EPM2A: variants seen among roughly 807,000 people sequenced by gnomAD.
EPM2A encodes EPM2A glucan phosphatase, laforin.
EPM2A carries 21 observed loss-of-function variants against 26.5 expected under a neutral mutation model. That is an observed-to-expected ratio of 0.79 (90% CI 0.56 to 1.14). The LOEUF (loss-of-function observed/expected upper bound fraction) is 1.14, where lower values mean the gene tolerates loss of function less well. EPM2A is among the 50% of genes most tolerant of loss of function. The pLI is 0.00. For missense variants in EPM2A, 458 were observed against 440.8 expected (o/e 1.04, Z -0.35); for synonymous variants, 217 against 177.6 (o/e 1.22, Z -1.76).
chr6:145,400,964 A>G (rs1006092140), intron 4 of EPM2A, among the ~76,000 whole-genome samples: 2 of 152,152 alleles, frequency 1.3e-5, no homozygotes, highest in Non-Finnish European at 2.9e-5. Flanking sequence ...TCCATAAAAC[A>G]ATGTTCCTGC....
chr6:145,425,802 C>T (rs1412456370), intron 4 of EPM2A, among the ~76,000 whole-genome samples: 1 of 152,090 alleles, frequency 6.6e-6, no homozygotes, highest in Admixed American at 6.6e-5. Flanking sequence ...GTGATTGCTT[C>T]ATGTTGTCTT....
At chr6:145,435,794 T>C (rs536352714) in intron 4 of EPM2A, among the ~76,000 whole-genome samples, 4 of 152,284 alleles carry the variant, frequency 2.6e-5, no homozygotes, top group African/African-American at 7.2e-5. Context: ...TTGTTGTTGT[T>C]AATTCATAAA....
intron 2 of EPM2A, among the ~76,000 whole-genome samples, chr6:145,572,632 G>A (rs932596682): frequency 7.9e-5 from 12 of 152,230 alleles, no homozygotes; most frequent in South Asian, 4.1e-4. Context: ...TGCAGAAAAC[G>A]GCAGGGCTTT....
At chr6:145,575,526 G>A (rs923133275) in intron 2 of EPM2A, among the ~76,000 whole-genome samples, 4 of 152,178 alleles carry the variant, frequency 2.6e-5, no homozygotes, top group Non-Finnish European at 5.9e-5. Context: ...TGCTTCTGAA[G>A]CCGGGAGATA....
chr6:145,506,336 C>T (rs542194327), intron 2 of EPM2A, among the ~76,000 whole-genome samples: 332 of 152,312 alleles, frequency 2.2e-3, no homozygotes, highest in Middle Eastern at 6.8e-3. Context: ...CTTATCTTTT[C>T]ATCCAGGAAT....
chr6:145,532,236 T>C (rs1000484127), intron 2 of EPM2A, among the ~76,000 whole-genome samples: 3 of 151,992 alleles, frequency 2.0e-5, no homozygotes, highest in Non-Finnish European at 4.4e-5. Flanking sequence ...AAGGGGGAGA[T>C]GTGGGAGTTT....
chr6:145,525,808 G>T (rs189974587), intron 2 of EPM2A, among the ~76,000 whole-genome samples: 2 of 152,068 alleles, frequency 1.3e-5, no homozygotes, highest in African/African-American at 4.8e-5. Context: ...GATTGCTCTG[G>T]CTATGACTTC....
At chr6:145,609,583 T>C (rs1775345886) in intron 2 of EPM2A, among the ~76,000 whole-genome samples, 1 of 152,208 alleles carries the variant, frequency 6.6e-6, no homozygotes, top group African/African-American at 2.4e-5. Context: ...TTAGAGAAGC[T>C]ATCCATGGCT....
At chr6:145,629,951 G>C (rs1007777854) in intron 3 of EPM2A, 2 of 152,224 alleles carry the variant, frequency 1.3e-5, no homozygotes, top group Non-Finnish European at 2.9e-5. Context: ...GATCTTCCCT[G>C]GTCCCAGTCA....
chr6:145,472,701 T>G (rs1779491759), intron 4 of EPM2A, among the ~76,000 whole-genome samples: 1 of 152,072 alleles, frequency 6.6e-6, no homozygotes, highest in South Asian at 2.1e-4. Flanking sequence ...GAAGGAAGAA[T>G]GACAAGAACT....
intron 4 of EPM2A, among the ~76,000 whole-genome samples, chr6:145,489,242 G>A (rs1301694679): frequency 2.0e-5 from 3 of 152,034 alleles, no homozygotes; most frequent in Non-Finnish European, 4.4e-5. Context: ...ACATGTATTA[G>A]AATACATAAA....
intron 2 of EPM2A, among the ~76,000 whole-genome samples, chr6:145,675,915 C>T (rs1333990103): frequency 3.9e-5 from 6 of 152,144 alleles, no homozygotes; most frequent in Admixed American, 2.6e-4. Flanking sequence ...TTGAACTCAC[C>T]TCTGCACCAA....
chr6:145,584,297 C>A (rs181024690), intron 2 of EPM2A, among the ~76,000 whole-genome samples: 5 of 152,166 alleles, frequency 3.3e-5, no homozygotes, highest in Admixed American at 3.3e-4. Flanking sequence ...TGATGAAGGC[C>A]CCTGCAAAGC....
At chr6:145,695,887 T>C (rs564710223) in intron 1 of EPM2A, among the ~76,000 whole-genome samples, 1 of 152,182 alleles carries the variant, frequency 6.6e-6, no homozygotes, top group Non-Finnish European at 1.5e-5. Context: ...ACATCATTTT[T>C]TAGACAGAAA....
chr6:145,683,268 G>GGTGTGTGTGTGTGT (rs35326843), intron 2 of EPM2A, among the ~76,000 whole-genome samples: 4,552 of 133,872 alleles, frequency 0.034, 130 homozygotes, highest in East Asian at 0.044. Flanking sequence ...CCCAGGATTT[G>GGTGTGTGTGTGTGT]GTGTGTGTGT....
chr6:145,442,321 T>C (rs1464614904), intron 4 of EPM2A, among the ~76,000 whole-genome samples: 4 of 152,182 alleles, frequency 2.6e-5, no homozygotes, highest in African/African-American at 9.7e-5. Context: ...TTTATTGTAT[T>C]AGTCCATTTT....
chr6:145,450,005 T>G (rs1476283147), intron 4 of EPM2A, among the ~76,000 whole-genome samples: 1 of 151,822 alleles, frequency 6.6e-6, no homozygotes, highest in East Asian at 1.9e-4. Context: ...ATATAGCTAT[T>G]ATAATAATTA....
chr6:145,592,110 G>A (rs952285895), intron 2 of EPM2A, among the ~76,000 whole-genome samples: 9 of 151,348 alleles, frequency 5.9e-5, no homozygotes, highest in African/African-American at 1.9e-4. Context: ...TGCTGCACCC[G>A]TTAACTCGTC....
At chr6:145,534,939 G>T (rs766927233) in intron 2 of EPM2A, among the ~76,000 whole-genome samples, 4 of 152,084 alleles carry the variant, frequency 2.6e-5, no homozygotes, top group Admixed American at 2.6e-4. Flanking sequence ...ATGATCACCG[G>T]CAATGTTGAA....
Sources: gnomAD v4.1 joint callset for allele counts (sites outside exome capture counted in the v4.1 genomes callset) on GRCh38, gnomAD v4.1.1 for gene constraint, MANE v1.5 for transcripts, NCBI Gene and HGNC (gene_info 2026-07-23, HGNC 2026-07-21) for gene names.